Variants in TSHZ2 observed in about 807,000 individuals in gnomAD.
TSHZ2 encodes the protein teashirt zinc finger homeobox 2.
Under a neutral mutation model 74.4 loss-of-function variants are expected in TSHZ2, and 21 were observed. The ratio of observed to expected loss-of-function variants is 0.28; its 90% CI spans 0.20 to 0.41. TSHZ2 has a LOEUF of 0.41. TSHZ2 is among the 10% of genes least tolerant of loss of function. TSHZ2 has a pLI of 1.00. For missense variants in TSHZ2, 1,244 were observed against 1,293.5 expected (o/e 0.96, Z 0.59); for synonymous variants, 540 against 515.3 (o/e 1.05, Z -0.65).
intron 2 of TSHZ2, among the ~76,000 whole-genome samples, chr20:53,455,614 C>T (rs1024184069): frequency 2.6e-5 from 4 of 151,870 alleles, no homozygotes; most frequent in African/African-American, 9.7e-5. Flanking sequence ...GCACATTGTG[C>T]AGGTTAGTTA....
At chr20:53,189,552 G>A (rs910999184) in intron 1 of TSHZ2, among the ~76,000 whole-genome samples, 4 of 152,120 alleles carry the variant, frequency 2.6e-5, no homozygotes, top group Admixed American at 2.6e-4. Context: ...AAAGTGTTTG[G>A]AACAATGCCT....
chr20:53,194,671 A>G (rs2123554850), intron 1 of TSHZ2, among the ~76,000 whole-genome samples: 1 of 152,340 alleles, frequency 6.6e-6, no homozygotes, highest in East Asian at 1.9e-4. Flanking sequence ...GGACTCATTA[A>G]GTCAGTGGCA....
chr20:53,281,770 C>T (rs1991065607), intron 2 of TSHZ2, among the ~76,000 whole-genome samples: 2 of 152,190 alleles, frequency 1.3e-5, no homozygotes, highest in East Asian at 1.9e-4. Flanking sequence ...CCAAGCAAGT[C>T]CTAGCCTCTG....
chr20:53,200,098 C>T (rs926017148), intron 1 of TSHZ2, among the ~76,000 whole-genome samples: 1 of 152,146 alleles, frequency 6.6e-6, no homozygotes, highest in Non-Finnish European at 1.5e-5. Context: ...TATGGAACAC[C>T]AAGACGCTTT....
intron 2 of TSHZ2, among the ~76,000 whole-genome samples, chr20:53,381,339 AG>A (rs1981853030): frequency 1.3e-5 from 2 of 152,204 alleles, no homozygotes. Flanking sequence ...TTTGCTTGCC[AG>A]TAAATGTCTA....
intron 2 of TSHZ2, among the ~76,000 whole-genome samples, chr20:53,383,297 T>G (rs1185217021): frequency 6.6e-6 from 1 of 151,992 alleles, no homozygotes; most frequent in Admixed American, 6.6e-5. Context: ...AGAAAATGCT[T>G]TATCTACCAG....
chr20:53,162,799 G>T lies in TSHZ2; in HGVS notation c.41-90700G>T, dbSNP rs1287133701. Among the ~76,000 whole-genome samples, 3 of 152,142 alleles carry T rather than the reference G, an allele frequency of 2.0e-5. No homozygotes were observed. In the East Asian group the frequency reaches 5.8e-4, roughly 29 times the overall value. On this transcript the variant is annotated intron_variant, in intron 1 of 2. Transcript: ENST00000371497. ...ACTATTAACTGCAGAGACATCTGCT[G>T]ATTGTTTTCTTTACAAAGCGGGGGA... is the stretch of plus-strand genomic sequence containing the variant.
intron 2 of TSHZ2, among the ~76,000 whole-genome samples, chr20:53,265,809 A>C (rs1990704098): frequency 6.6e-6 from 1 of 152,236 alleles, no homozygotes; most frequent in Non-Finnish European, 1.5e-5. Context: ...CCCACACATC[A>C]GCAGAAAACC....
chr20:53,036,490 TAC>T (rs909454425), intron 1 of TSHZ2, among the ~76,000 whole-genome samples: 49 of 151,258 alleles, frequency 3.2e-4, no homozygotes, highest in African/African-American at 1.2e-3. Flanking sequence ...CACATATACA[TAC>T]ACACATATAT....
rs189950159 is a variant in TSHZ2, at chr20:53,272,796, C to T, written c.*8+16225C>T. The stretch of plus-strand genomic sequence containing the variant: ...TAACTCTTGGAGGAACTGCTGTGTG[C>T]CAGGCTCTGTTCTGAGTCCTGGGCT... On this transcript the variant is annotated intron_variant, in intron 2 of 2. Transcript: ENST00000371497. Among the ~76,000 whole-genome samples the T allele has an allele frequency of 2.7e-3, 411 of 152,250 alleles. 10 individuals carry two copies. Among genetic ancestry groups the T allele is most frequent in the East Asian group, 1.5e-3 (8 of 5,188 alleles).
chr20:53,297,388 C>T (rs980452386), intron 2 of TSHZ2, among the ~76,000 whole-genome samples: 1 of 151,876 alleles, frequency 6.6e-6, no homozygotes, highest in Non-Finnish European at 1.5e-5. Context: ...TAGCTGGGAC[C>T]ACAGGTGTGC....
chr20:53,208,146 T>C (rs1047164102), intron 1 of TSHZ2, among the ~76,000 whole-genome samples: 1 of 152,200 alleles, frequency 6.6e-6, no homozygotes, highest in Admixed American at 6.5e-5. Context: ...GTAAATCGCA[T>C]TCGCCCTAAG....
At position 53,415,389 on chromosome 20, in the gene TSHZ2, C is replaced by T. The variant is rs910428564; in HGVS notation, c.*9-71755C>T. 2.0e-5 allele frequency among the ~76,000 whole-genome samples: 3 copies of T among 152,130 alleles called. No homozygotes were observed. The East Asian group carries it at 5.8e-4, about 29-fold the overall frequency. On this transcript the variant is annotated intron_variant, in intron 2 of 2. Transcript: ENST00000371497. ...AGCAGGCACTGTAGCTCCTATCGCT[C>T]TGCTCTCCACTGGGGCCCCAGGCCC... is the stretch of plus-strand genomic sequence containing the variant.
At chr20:53,293,101 G>A (rs917949874) in intron 2 of TSHZ2, among the ~76,000 whole-genome samples, 7 of 152,192 alleles carry the variant, frequency 4.6e-5, no homozygotes, top group Non-Finnish European at 4.4e-5. Context: ...CAAAGGCCAC[G>A]CTCTTAAGCA....
At chr20:53,208,402 C>T (rs1402965113) in intron 1 of TSHZ2, among the ~76,000 whole-genome samples, 1 of 152,152 alleles carries the variant, frequency 6.6e-6, no homozygotes, top group Non-Finnish European at 1.5e-5. Context: ...GGCATCAGCT[C>T]TTGTTTCTCA....
chr20:53,463,813 T>G (rs1482337409), intron 2 of TSHZ2, among the ~76,000 whole-genome samples: 2 of 152,128 alleles, frequency 1.3e-5, no homozygotes, highest in African/African-American at 4.8e-5. Context: ...CATCTCTGAG[T>G]CACTTATTAG....
chr20:53,252,919 C>CT (rs1333635845), intron 1 of TSHZ2, among the ~76,000 whole-genome samples: 1 of 152,162 alleles, frequency 6.6e-6, no homozygotes, highest in Non-Finnish European at 1.5e-5. Flanking sequence ...TCTCTTCCTG[C>CT]TGTGTGATTC....
chr20:52,993,106 C>G (rs190357841), intron 1 of TSHZ2, among the ~76,000 whole-genome samples: 2 of 152,260 alleles, frequency 1.3e-5, no homozygotes, highest in East Asian at 3.9e-4. Flanking sequence ...TTTGAAATTT[C>G]TCTCTGGGAA....
chr20:53,008,980 CCTCTCTCTCTCTCTCTCTCTCTCTCT>C (rs55692015), intron 1 of TSHZ2, among the ~76,000 whole-genome samples: 4,990 of 130,552 alleles, frequency 0.038, 288 homozygotes, highest in African/African-American at 0.14. Flanking sequence ...TTGTCTTTCT[CCTCTCTCTCTCTCTCTCTCTCTCTCT>C]CTCTCTCTCT....
Sources: gnomAD v4.1 joint callset for allele counts (sites outside exome capture counted in the v4.1 genomes callset) on GRCh38, gnomAD v4.1.1 for gene constraint, MANE v1.5 for transcripts, NCBI Gene and HGNC (gene_info 2026-07-23, HGNC 2026-07-21) for gene names.